Variants in IQSEC1 observed in about 807,000 individuals in gnomAD.
IQSEC1 encodes the protein IQ motif and Sec7 domain ArfGEF 1.
A neutral mutation model predicts 91.0 loss-of-function variants in IQSEC1; 31 were observed. The ratio of observed to expected loss-of-function variants is 0.34; its 90% CI spans 0.26 to 0.46. The LOEUF is 0.46. IQSEC1 is among the 20% of genes least tolerant of loss of function. The pLI is 1.00. For synonymous variants in IQSEC1, 699 were observed against 662.6 expected (o/e 1.05, Z -0.84); for missense variants, 1,388 against 1,575.6 (o/e 0.88, Z 2.02).
At chr3:13,238,477 C>T (rs1694969720) in intron 1 of IQSEC1, among the ~76,000 whole-genome samples, 1 of 152,230 alleles carries the variant, frequency 6.6e-6, no homozygotes, top group Non-Finnish European at 1.5e-5. Context: ...AGAGATGGCA[C>T]CACCTCTATC....
chr3:13,066,335 G>C (rs1429672569), intron 1 of IQSEC1, among the ~76,000 whole-genome samples: 1 of 152,268 alleles, frequency 6.6e-6, no homozygotes, highest in African/African-American at 2.4e-5. Context: ...GGCCCCTCAG[G>C]GATGCTAGAA....
chr3:13,063,754 G>A (rs1251195578), intron 1 of IQSEC1, among the ~76,000 whole-genome samples: 7 of 152,204 alleles, frequency 4.6e-5, no homozygotes, highest in Admixed American at 2.6e-4. Flanking sequence ...GTGAGGGGCC[G>A]GCCCCAGTGC....
chr3:13,146,872 T>C (rs1706906672), intron 2 of IQSEC1, among the ~76,000 whole-genome samples: 1 of 152,202 alleles, frequency 6.6e-6, no homozygotes, highest in Admixed American at 6.5e-5. Context: ...GTGGCAATCC[T>C]GCTCCGGGCT....
intron 1 of IQSEC1, among the ~76,000 whole-genome samples, chr3:13,039,313 A>G (rs1430953165): frequency 6.6e-6 from 1 of 152,256 alleles, no homozygotes; most frequent in African/African-American, 2.4e-5. Flanking sequence ...AGCCTCTGGC[A>G]GAGCTCCAGG....
rs74539166 is a variant in IQSEC1 at position 12,973,365 on chromosome 3, G to A, written c.24-31500C>T. ...GGCAATCTCTTATTCAACCTTCAAA[G>A]CCCAGCTCAAATGTCCCCTTCTCTT... On this transcript the variant is annotated intron_variant, in intron 1 of 13. Transcript: ENST00000613206. Among the ~76,000 whole-genome samples the A allele has an allele frequency of 6.7e-3, 1,025 of 152,242 alleles. 16 individuals carry two copies. Among genetic ancestry groups the A allele is most frequent in the African/African-American group, 0.023 (967 of 41,550 alleles).
At chr3:13,057,451 C>T (rs912761695) in intron 1 of IQSEC1, among the ~76,000 whole-genome samples, 16 of 152,220 alleles carry the variant, frequency 1.1e-4, no homozygotes, top group Admixed American at 6.5e-4. Flanking sequence ...TGCCCTCACA[C>T]GGCCAGACAA....
intron 2 of IQSEC1, among the ~76,000 whole-genome samples, chr3:13,155,168 A>G (rs1437856343): frequency 1.3e-5 from 2 of 152,214 alleles, no homozygotes; most frequent in Admixed American, 6.5e-5. Flanking sequence ...ATAAATAATA[A>G]CAGTAAACAA....
intron 1 of IQSEC1, among the ~76,000 whole-genome samples, chr3:13,190,377 G>C (rs1694001336): frequency 6.6e-6 from 1 of 151,928 alleles, no homozygotes; most frequent in Non-Finnish European, 1.5e-5. Flanking sequence ...TTCGAGACTG[G>C]GTTGAGAGCA....
chr3:13,019,687 G>A (rs1431767764), intron 1 of IQSEC1, among the ~76,000 whole-genome samples: 1 of 152,222 alleles, frequency 6.6e-6, no homozygotes, highest in East Asian at 1.9e-4. Context: ...TAACCACAGG[G>A]GCGCCTGGCA....
chr3:13,070,554 G>T (rs539151382), intron 1 of IQSEC1, among the ~76,000 whole-genome samples: 1 of 152,346 alleles, frequency 6.6e-6, no homozygotes, highest in South Asian at 2.1e-4. Context: ...CGGGTTCTGG[G>T]TGGGGAGTAA....
At chr3:13,065,751 AT>A (rs961831798) in intron 1 of IQSEC1, among the ~76,000 whole-genome samples, 4 of 152,220 alleles carry the variant, frequency 2.6e-5, no homozygotes, top group African/African-American at 7.2e-5. Flanking sequence ...CCCAACAGAA[AT>A]GGAACCAGGG....
Position 12,937,609 on chromosome 3 carries a change from C to T in IQSEC1, c.319-912G>A, listed in dbSNP as rs781395644. Among the ~76,000 whole-genome samples, 16 of 152,232 alleles carry T rather than the reference C, an allele frequency of 1.1e-4. 1 individual carries two copies. Among genetic ancestry groups the T allele is most frequent in the Non-Finnish European group, 1.3e-4 (9 of 68,038 alleles). On this transcript the variant is annotated intron_variant, in intron 2 of 13. Coordinates refer to ENST00000613206, the MANE Select transcript of IQSEC1 (RefSeq NM_001134382.3). ...TAAGCACTGAGCCCATGCAGTTCCT[C>T]GGTTTCCTCATCTATTAAATGGGGT...
At chr3:13,106,022 G>C (rs901736005) in intron 2 of IQSEC1, among the ~76,000 whole-genome samples, 1 of 152,202 alleles carries the variant, frequency 6.6e-6, no homozygotes, top group African/African-American at 2.4e-5. Context: ...TTCCTGGTTA[G>C]AGGAGCGCTA....
Position 12,900,801 on chromosome 3 carries a change from G to T in IQSEC1, c.*182C>A, listed in dbSNP as rs1429638716. 13 of 1,454,406 alleles carry T rather than the reference G, an allele frequency of 8.9e-6. No homozygotes were observed. The highest frequency in any genetic ancestry group is 1.1e-5 in the Non-Finnish European group (12 of 1,108,680). 90.1% of individuals were successfully genotyped at this position (1,454,406 alleles called of 1,614,324 possible). On this transcript the variant is annotated 3_prime_UTR_variant, in exon 14 of 14. Transcript: ENST00000613206. ...AGGGTGCCAACAAGAAATGAAATCT[G>T]GGCCTTTGTTCCACACAACACCAGC...
At position 13,266,876 on chromosome 3, in the gene IQSEC1, C is replaced by T. The variant is rs535299875; in HGVS notation, c.272+15835G>A. Among the ~76,000 whole-genome samples the T allele has an allele frequency of 1.2e-4, 18 of 152,326 alleles. 1 individual carries two copies. The South Asian group carries it at 3.5e-3, about 30-fold the overall frequency. On this transcript the variant is annotated intron_variant, in intron 1 of 15. Transcript: ENST00000648114. ...AAAACGGGGTGCTCCAGGGGCACAT[C>T]TGCTCCCCCACCAGGCTATGAAGTG... is the stretch of plus-strand genomic sequence containing the variant.
At position 13,128,494 on chromosome 3, in the gene IQSEC1, T is replaced by A. The variant is rs567071685; in HGVS notation, c.302+35610A>T. ...TTAAATACTGAACTAGCCTTGCATGTCTGGAATAAATCCCACTTAGTTGCA... is the reference window on the plus strand; with the variant it reads ...TTAAATACTGAACTAGCCTTGCATGACTGGAATAAATCCCACTTAGTTGCA... On this transcript the variant is annotated intron_variant, in intron 2 of 15. Transcript: ENST00000648114. Among the ~76,000 whole-genome samples the A allele has an allele frequency of 1.7e-4, 26 of 152,376 alleles. 1 individual carries two copies. In the South Asian group the frequency reaches 5.4e-3, roughly 32 times the overall value.
chr3:12,997,337 G>A (rs192255264), intron 1 of IQSEC1, among the ~76,000 whole-genome samples: 32 of 152,134 alleles, frequency 2.1e-4, no homozygotes, highest in Non-Finnish European at 3.5e-4. Flanking sequence ...AGGACTGAGG[G>A]GTGCATGGAA....
At chr3:13,079,527 A>G (rs1408177593) in intron 2 of IQSEC1, among the ~76,000 whole-genome samples, 1 of 152,222 alleles carries the variant, frequency 6.6e-6, no homozygotes, top group Non-Finnish European at 1.5e-5. Context: ...TGTGAGAGGC[A>G]GGCCCAGAGG....
intron 1 of IQSEC1, among the ~76,000 whole-genome samples, chr3:13,235,869 C>T (rs185478969): frequency 2.6e-5 from 4 of 152,242 alleles, no homozygotes; most frequent in South Asian, 2.1e-4. Context: ...GTTCTTATGC[C>T]GCCCCGTTCC....
Sources: gnomAD v4.1 joint callset for allele counts (sites outside exome capture counted in the v4.1 genomes callset) on GRCh38, gnomAD v4.1.1 for gene constraint, MANE v1.5 for transcripts, NCBI Gene and HGNC (gene_info 2026-07-23, HGNC 2026-07-21) for gene names.